Variants in CTNND2 observed in about 807,000 individuals in gnomAD.
CTNND2 encodes catenin delta-2.
CTNND2 carries 22 observed loss-of-function variants against 144.4 expected under a neutral mutation model. The ratio of observed to expected loss-of-function variants is 0.15; its 90% CI spans 0.11 to 0.22. The LOEUF (loss-of-function observed/expected upper bound fraction) is 0.22. CTNND2 is among the 10% of genes least tolerant of loss of function. The pLI is 1.00. For synonymous variants in CTNND2, 751 were observed against 695.6 expected (o/e 1.08, Z -1.25); for missense variants, 1,353 against 1,618.8 (o/e 0.84, Z 2.82).
At chr5:11,534,201 A>G (rs1774009060) in intron 3 of CTNND2, among the ~76,000 whole-genome samples, 1 of 152,140 alleles carries the variant, frequency 6.6e-6, no homozygotes, top group African/African-American at 2.4e-5. Flanking sequence ...GAAAACCCCA[A>G]GTTTGTTGTA....
intron 13 of CTNND2, 53 bp from the exon 14 acceptor site, chr5:11,111,096 C>A (rs1752922895): frequency 1.9e-6 from 3 of 1,543,918 alleles, no homozygotes; most frequent in East Asian, 4.6e-5. Flanking sequence ...GCACTCAGCA[C>A]TCCATTCTTC....
chr5:11,337,298 C>T (rs42684), intron 9 of CTNND2, among the ~76,000 whole-genome samples: 43,797 of 151,938 alleles, frequency 0.29, 6,554 homozygotes, highest in South Asian at 0.36. Flanking sequence ...AAGAGGCTCC[C>T]TTGTTTTTGG....
intron 2 of CTNND2, among the ~76,000 whole-genome samples, chr5:11,721,367 A>G (rs1380484191): frequency 6.9e-6 from 1 of 145,116 alleles, no homozygotes; most frequent in Non-Finnish European, 1.5e-5. Flanking sequence ...GTAAATCTCA[A>G]TAAGCTGTTT....
chr5:11,249,313 T>C (rs373468), intron 9 of CTNND2, among the ~76,000 whole-genome samples: 13,201 of 152,212 alleles, frequency 0.087, 773 homozygotes, highest in South Asian at 0.15. Context: ...GGCTTATTGC[T>C]CGTAATAAGA....
At chr5:11,655,597 T>A (rs1782869835) in intron 2 of CTNND2, among the ~76,000 whole-genome samples, 1 of 152,150 alleles carries the variant, frequency 6.6e-6, no homozygotes, top group Non-Finnish European at 1.5e-5. Context: ...TAGATAATTT[T>A]TAAGGAAGAA....
At chr5:11,447,452 G>T (rs61755467) in intron 3 of CTNND2, among the ~76,000 whole-genome samples, 4 of 152,096 alleles carry the variant, frequency 2.6e-5, no homozygotes, top group Non-Finnish European at 5.9e-5. Flanking sequence ...AAGGGAATAG[G>T]AATGATAAGT....
intron 2 of CTNND2, among the ~76,000 whole-genome samples, chr5:11,720,018 C>T (rs2126714725): frequency 6.6e-6 from 1 of 152,264 alleles, no homozygotes; most frequent in South Asian, 2.1e-4. Flanking sequence ...ACACCCCAGG[C>T]TAAAAAGAAT....
intron 3 of CTNND2, among the ~76,000 whole-genome samples, chr5:11,419,034 A>C (rs972390916): frequency 7.7e-5 from 11 of 143,762 alleles, no homozygotes; most frequent in Admixed American, 2.1e-4. Flanking sequence ...ATCTATATAT[A>C]GATATATAGA....
At chr5:11,255,130 T>C (rs1045009847) in intron 9 of CTNND2, among the ~76,000 whole-genome samples, 5 of 152,236 alleles carry the variant, frequency 3.3e-5, no homozygotes, top group African/African-American at 1.2e-4. Context: ...TTTCAAGTCT[T>C]TACAACACAC....
At chr5:11,901,950 C>T (rs965189085) in intron 1 of CTNND2, among the ~76,000 whole-genome samples, 12 of 152,290 alleles carry the variant, frequency 7.9e-5, no homozygotes, top group African/African-American at 2.4e-4. Flanking sequence ...TAAAACAATG[C>T]AGTGGGCATA....
At chr5:11,841,424 G>T (rs1794467061) in intron 1 of CTNND2, among the ~76,000 whole-genome samples, 1 of 152,220 alleles carries the variant, frequency 6.6e-6, no homozygotes, top group Middle Eastern at 3.4e-3. Flanking sequence ...ACTGTGTTTA[G>T]GTCATAAGTT....
intron 2 of CTNND2, among the ~76,000 whole-genome samples, chr5:11,662,162 TATATGTGTATATATAC>T (rs1561668857): frequency 9.6e-5 from 14 of 145,948 alleles, no homozygotes; most frequent in African/African-American, 3.5e-4. Context: ...TATATGTGTA[TATATGTGTATATATAC>T]ATATATGTGT....
chr5:11,628,978 A>C (rs1781288240), intron 2 of CTNND2, among the ~76,000 whole-genome samples: 1 of 152,216 alleles, frequency 6.6e-6, no homozygotes, highest in Admixed American at 6.5e-5. Context: ...TTGTGAGATA[A>C]TAAATTCCTC....
intron 1 of CTNND2, among the ~76,000 whole-genome samples, chr5:11,841,363 A>T (rs1261863349): frequency 6.6e-6 from 1 of 152,008 alleles, no homozygotes; most frequent in Non-Finnish European, 1.5e-5. Flanking sequence ...CCCCACCCCT[A>T]CCCCATAAGT....
At chr5:11,486,941 CAT>C (rs1274224791) in intron 3 of CTNND2, among the ~76,000 whole-genome samples, 1 of 152,102 alleles carries the variant, frequency 6.6e-6, no homozygotes, top group Non-Finnish European at 1.5e-5. Flanking sequence ...AAGCAGCTTA[CAT>C]ATATAGTAAT....
At chr5:11,822,860 G>C (rs1012161188) in intron 1 of CTNND2, among the ~76,000 whole-genome samples, 1 of 152,150 alleles carries the variant, frequency 6.6e-6, no homozygotes, top group Admixed American at 6.5e-5. Flanking sequence ...TGTAGATCTG[G>C]ATTCAGGCCT....
intron 15 of CTNND2, among the ~76,000 whole-genome samples, chr5:11,096,163 T>C (rs575823573): frequency 4.4e-4 from 67 of 152,046 alleles, no homozygotes; most frequent in Non-Finnish European, 8.4e-4. Context: ...GTTCAGGCAT[T>C]ATATTATATT....
intron 18 of CTNND2, among the ~76,000 whole-genome samples, chr5:11,014,641 C>T (rs1330332215): frequency 6.6e-6 from 1 of 152,120 alleles, no homozygotes; most frequent in Non-Finnish European, 1.5e-5. Flanking sequence ...ATGAATCAAA[C>T]ATAGTTTTAT....
At chr5:11,613,893 T>A (rs75626699) in intron 2 of CTNND2, among the ~76,000 whole-genome samples, 11 of 152,194 alleles carry the variant, frequency 7.2e-5, no homozygotes, top group African/African-American at 2.7e-4. Flanking sequence ...CAAAACCCCA[T>A]GTCCCCTTCA....
Sources: gnomAD v4.1 joint callset for allele counts (sites outside exome capture counted in the v4.1 genomes callset) on GRCh38, gnomAD v4.1.1 for gene constraint, MANE v1.5 for transcripts, NCBI Gene and HGNC (gene_info 2026-07-23, HGNC 2026-07-21) for gene names.